Variants in CSMD3 observed in about 807,000 individuals in gnomAD.
CSMD3 encodes CUB and Sushi multiple domains 3.
CSMD3 carries 177 observed loss-of-function variants against 435.2 expected under a neutral mutation model. The ratio of observed to expected loss-of-function variants is 0.41; its 90% CI spans 0.36 to 0.46. The LOEUF (loss-of-function observed/expected upper bound fraction) is 0.46. Among genes scored for constraint, CSMD3 ranks in the 20% least tolerant of loss-of-function variants. The pLI, the probability that CSMD3 is intolerant of heterozygous loss-of-function variation, is 0.34. For missense variants in CSMD3, 4,265 were observed against 4,504.6 expected (o/e 0.95, Z 1.52); for synonymous variants, 1,656 against 1,520.5 (o/e 1.09, Z -2.07).
intron 6 of CSMD3, among the ~76,000 whole-genome samples, chr8:112,981,011 C>G (rs2130961713): frequency 6.6e-6 from 1 of 151,300 alleles, no homozygotes; most frequent in East Asian, 1.9e-4. Context: ...ATCTTTCTGA[C>G]TAGGAGAATT....
intron 13 of CSMD3, among the ~76,000 whole-genome samples, chr8:112,699,975 C>T (rs1454890911): frequency 4.0e-5 from 6 of 151,526 alleles, no homozygotes; most frequent in South Asian, 2.1e-4. Context: ...TGTGTGCGTG[C>T]GTGTGTGTAG....
intron 11 of CSMD3, among the ~76,000 whole-genome samples, chr8:112,837,088 A>T (rs2080047631): frequency 6.6e-6 from 1 of 151,832 alleles, no homozygotes; most frequent in Non-Finnish European, 1.5e-5. Flanking sequence ...TGCCTCATGT[A>T]TTAAATAGTG....
intron 41 of CSMD3, 54 bp from the exon 42 acceptor site, chr8:112,341,740 T>G (rs1563813569): frequency 9.3e-7 from 1 of 1,076,670 alleles, no homozygotes; most frequent in Non-Finnish European, 1.4e-6. Context: ...GAATTAAACA[T>G]AAATATACAC....
At chr8:112,355,838 A>T (rs1040909766) in intron 38 of CSMD3, among the ~76,000 whole-genome samples, 1 of 151,808 alleles carries the variant, frequency 6.6e-6, no homozygotes, top group African/African-American at 2.4e-5. Flanking sequence ...GTCAAAAAAA[A>T]TAAATAGATA....
chr8:112,473,453 C>CA (rs1167039029), intron 31 of CSMD3, among the ~76,000 whole-genome samples: 1 of 152,020 alleles, frequency 6.6e-6, no homozygotes, highest in African/African-American at 2.4e-5. Context: ...AATAAGATCA[C>CA]TCTGAAAAGT....
At chr8:113,075,942 T>G (rs2089316588) in intron 5 of CSMD3, among the ~76,000 whole-genome samples, 1 of 151,786 alleles carries the variant, frequency 6.6e-6, no homozygotes, top group Admixed American at 6.6e-5. Context: ...TCAAAGATAA[T>G]TTAATAGACT....
chr8:113,410,951 A>AAGAAAGAAAGAAAGAAAGAAAGAG (rs1354388081), intron 1 of CSMD3, among the ~76,000 whole-genome samples: 6 of 143,338 alleles, frequency 4.2e-5, no homozygotes, highest in Admixed American at 1.4e-4. Flanking sequence ...GAAAGAAAGA[A>AAGAAAGAAAGAAAGAAAGAAAGAG]AGAGAAGGGA....
intron 4 of CSMD3, among the ~76,000 whole-genome samples, chr8:113,142,104 C>T (rs940249131): frequency 6.6e-6 from 1 of 151,004 alleles, no homozygotes; most frequent in Non-Finnish European, 1.5e-5. Flanking sequence ...TTATAAAATG[C>T]TAATGGAAGA....
At chr8:112,702,800 T>C (rs918607145) in intron 13 of CSMD3, among the ~76,000 whole-genome samples, 6 of 152,056 alleles carry the variant, frequency 3.9e-5, no homozygotes, top group African/African-American at 1.4e-4. Flanking sequence ...TGTGTCCTGT[T>C]AGTGAAAGCC....
intron 13 of CSMD3, among the ~76,000 whole-genome samples, chr8:112,770,168 G>C (rs2078076275): frequency 6.6e-6 from 1 of 151,970 alleles, no homozygotes; most frequent in Non-Finnish European, 1.5e-5. Flanking sequence ...GCTCCATCAA[G>C]TAAACTGTTG....
At chr8:113,203,597 T>A (rs533679298) in intron 3 of CSMD3, among the ~76,000 whole-genome samples, 47 of 151,868 alleles carry the variant, frequency 3.1e-4, no homozygotes, top group Non-Finnish European at 4.3e-4. Context: ...TCCAATATAA[T>A]TAAATATATA....
chr8:113,196,288 TA>T (rs1327558535), intron 3 of CSMD3, among the ~76,000 whole-genome samples: 1 of 151,180 alleles, frequency 6.6e-6, no homozygotes, highest in Non-Finnish European at 1.5e-5. Context: ...CAATTATGCA[TA>T]AAAACTCACT....
chr8:113,092,001 T>C (rs1171716882), intron 5 of CSMD3, among the ~76,000 whole-genome samples: 1 of 152,056 alleles, frequency 6.6e-6, no homozygotes, highest in Non-Finnish European at 1.5e-5. Flanking sequence ...TTATTTGTGG[T>C]ATCTATTTTT....
intron 59 of CSMD3, among the ~76,000 whole-genome samples, chr8:112,266,431 G>T (rs1444068476): frequency 6.6e-6 from 1 of 152,176 alleles, no homozygotes; most frequent in Non-Finnish European, 1.5e-5. Flanking sequence ...AGGCAACAAG[G>T]CAGACTGCAC....
At position 112,947,824 on chromosome 8, in the gene CSMD3, G is replaced by T. The variant is rs759641145; in HGVS notation, c.1474C>A (p.Pro492Thr). 3.3e-6 allele frequency: 5 copies of T among 1,521,818 alleles called. No individual in the cohort carries two copies. Among genetic ancestry groups the T allele is most frequent in the African/African-American group, 1.4e-5 (1 of 72,958 alleles). 94.3% of individuals were successfully genotyped at this position (1,521,818 alleles called of 1,614,324 possible). A position where few individuals can be genotyped will look rare whatever the true frequency, so the allele number is the denominator to read the frequency against. The stretch of plus-strand genomic sequence containing the variant: ...GATCCGATTCTCTTCCCATTTTCTG[G>T]TTCTCCTGGATCTGGGCATAAATTG... ...ASNLCPDPGE[P>T]ENGKRIGSDF... Residue 492 changes from proline (P) to threonine (T), a missense_variant, in exon 9 of 71, where the codon CCA (proline) becomes ACA (threonine). Physicochemically the swap from Pro to Thr is conservative, Grantham distance 38. Around this residue, in one of 3 missense-constraint regions of CSMD3, gnomAD observed 731 missense variants for 755.4 expected, o/e 0.97. Transcript: ENST00000297405.
Position 112,587,103 on chromosome 8 carries a change from G to C in CSMD3, c.3848C>G (p.Ala1283Gly), listed in dbSNP as rs1289460487. The C allele has an allele frequency of 6.2e-7, 1 of 1,610,762 alleles. No individual in the cohort carries two copies. Among genetic ancestry groups the C allele is most frequent in the African/African-American group, 1.3e-5 (1 of 74,826 alleles). Reference sequence around the variant, plus strand: ...TCCTTGTGCTAAATGAAATGTTCTGGCTGAAATATTGATTCCCTTTCCTGC... The same window carrying C: ...TCCTTGTGCTAAATGAAATGTTCTGCCTGAAATATTGATTCCCTTTCCTGC... ...VQAGKGINIS[A>G]RTFHLAQGDV... Residue 1283 changes from alanine (A) to glycine (G), a missense_variant, in exon 23 of 71, where the codon GCC (alanine) becomes GGC (glycine). Around this residue, in one of 3 missense-constraint regions of CSMD3, gnomAD observed 3,255 missense variants for 3,380.2 expected, o/e 0.96. Coordinates refer to ENST00000297405, the MANE Select transcript of CSMD3 (RefSeq NM_198123.2).
intron 32 of CSMD3, among the ~76,000 whole-genome samples, chr8:112,432,231 G>A (rs1195932774): frequency 6.6e-6 from 1 of 152,142 alleles, no homozygotes; most frequent in East Asian, 1.9e-4. Context: ...ATGTCATGTT[G>A]TATTGTTCTT....
chr8:112,550,627 C>A (rs1169682836), intron 27 of CSMD3, 44 bp downstream of exon 27: 2 of 1,022,994 alleles, frequency 2.0e-6, no homozygotes, highest in Admixed American at 1.7e-5. Flanking sequence ...CTATTTACAT[C>A]ACCTTCCTAT....
chr8:112,949,132 G>A (rs2083718307), intron 8 of CSMD3, among the ~76,000 whole-genome samples: 1 of 151,886 alleles, frequency 6.6e-6, no homozygotes, highest in Non-Finnish European at 1.5e-5. Context: ...GAGAACCACT[G>A]GACTGCTGAA....
Sources: allele counts gnomAD v4.1 joint callset (sites outside exome capture counted in the v4.1 genomes callset), GRCh38; gene constraint gnomAD v4.1.1; regional missense constraint gnomAD v4.1.1; transcripts MANE v1.5; gene names NCBI Gene and HGNC (gene_info 2026-07-23, HGNC 2026-07-21).